The following CCDC171 variants were observed in gnomAD, a reference collection of about 807,000 sequenced individuals.
CCDC171 encodes coiled-coil domain-containing protein 171.
A neutral mutation model predicts 168.2 loss-of-function variants in CCDC171; 177 were observed. The observed-to-expected ratio is 1.05, with a 90% CI of 0.93 to 1.19. The LOEUF (loss-of-function observed/expected upper bound fraction) is 1.19. CCDC171 is among the 50% of genes most tolerant of loss of function. CCDC171 has a pLI of 0.00. For synonymous variants in CCDC171, 687 were observed against 540.8 expected, an observed-to-expected ratio of 1.27 and a Z score of -3.75; for missense variants, 1,991 against 1,539.0, an observed-to-expected ratio of 1.29 and a Z score of -4.91.
At chr9:16,102,318 C>T in the CCDC171 span, among the ~76,000 whole-genome samples, 1 of 152,180 alleles carries the variant, frequency 6.6e-6, no homozygotes, top group Non-Finnish European at 1.5e-5. Context: ...CACGCGCTTG[C>T]TCTCCTACAC....
intron 18 of CCDC171, 33 bp downstream of exon 18, chr9:15,745,664 A>G: frequency 8.2e-7 from 1 of 1,224,152 alleles, no homozygotes; most frequent in Non-Finnish European, 1.1e-6. Context: ...CTTGCAAAAT[A>G]CATTTAAGAA....
chr9:15,668,121 A>G lies in CCDC171; in HGVS notation c.1076+1798A>G, dbSNP rs550834108. On this transcript the variant is annotated intron_variant, in intron 9 of 25. Transcript: ENST00000380701. Reference sequence around the variant, plus strand: ...AGTAAAACTGTAAGAAGTCAGAATGAGCTCCCAATAATTAAAGCTTTCTAG... The same window carrying G: ...AGTAAAACTGTAAGAAGTCAGAATGGGCTCCCAATAATTAAAGCTTTCTAG... Among the ~76,000 whole-genome samples the G allele has an allele frequency of 1.2e-4, 18 of 152,362 alleles. No homozygotes were observed. In the South Asian group the frequency reaches 2.7e-3, roughly 23 times the overall value.
Position 15,578,861 on chromosome 9 carries a change from G to C in CCDC171, c.190G>C (p.Glu64Gln). 1 of 1,612,908 alleles carries C rather than the reference G, an allele frequency of 6.2e-7. No individual in the cohort carries two copies. Among genetic ancestry groups the C allele is most frequent in the East Asian group, 2.2e-5 (1 of 44,802 alleles). Residue 64 changes from glutamate (E) to glutamine (Q), a missense_variant, in exon 4 of 26, where the codon GAG (glutamate) becomes CAG (glutamine). Transcript: ENST00000380701. ...TKHNAELASY[E>Q]SQIAKLRSEV... The stretch of plus-strand genomic sequence containing the variant: ...AATCTGTTTTTAGCTGGCAAGCTAT[G>C]AGAGCCAGATTGCCAAGCTACGGTC...
intron 24 of CCDC171, among the ~76,000 whole-genome samples, chr9:15,913,006 T>C (rs1366189689): frequency 6.6e-6 from 1 of 152,170 alleles, no homozygotes; most frequent in Non-Finnish European, 1.5e-5. Context: ...TTTCTTTTTT[T>C]GTTGTGTCTC....
intron 18 of CCDC171, among the ~76,000 whole-genome samples, chr9:15,763,825 A>G (rs1303728682): frequency 6.6e-6 from 1 of 152,218 alleles, no homozygotes; most frequent in African/African-American, 2.4e-5. Flanking sequence ...ATTGATGGGC[A>G]TTAGAGTTGT....
At chr9:15,678,976 A>G in intron 10 of CCDC171, 80 bp downstream of exon 10, 1 of 1,036,644 alleles carries the variant, frequency 9.6e-7, no homozygotes, top group Non-Finnish European at 1.4e-6. Flanking sequence ...TCCTCACCAC[A>G]TTCCATGAGA....
chr9:15,553,425 G>C (rs1369524112), intron 1 of CCDC171, 123 bp downstream of exon 1: 1 of 152,208 alleles, frequency 6.6e-6, no homozygotes. Flanking sequence ...TTTGGGGCAC[G>C]CCTCCAGCTC....
chr9:15,845,050 C>T (rs971118772), intron 21 of CCDC171, among the ~76,000 whole-genome samples: 2 of 152,018 alleles, frequency 1.3e-5, no homozygotes, highest in Non-Finnish European at 2.9e-5. Context: ...GGTGTTGGAT[C>T]ATTAGTTTGA....
intron 7 of CCDC171, among the ~76,000 whole-genome samples, chr9:15,650,208 T>G (rs10738402): frequency 4.0e-5 from 6 of 151,728 alleles, no homozygotes; most frequent in African/African-American, 1.5e-4. Context: ...ATGAGAACAC[T>G]TGGACACAGG....
intron 3 of CCDC171, among the ~76,000 whole-genome samples, chr9:16,018,297 C>G (rs1474061444): frequency 6.6e-6 from 1 of 152,144 alleles, no homozygotes; most frequent in Non-Finnish European, 1.5e-5. Context: ...CTTAGCAAAA[C>G]TGGAGACCCG....
At chr9:15,934,903 A>G (rs1826940076) in intron 25 of CCDC171, among the ~76,000 whole-genome samples, 1 of 152,090 alleles carries the variant, frequency 6.6e-6, no homozygotes, top group African/African-American at 2.4e-5. Context: ...GAAGCCAGAC[A>G]CAAAAGGCCA....
chr9:16,107,912 C>T, the CCDC171 span, among the ~76,000 whole-genome samples: 1 of 151,996 alleles, frequency 6.6e-6, no homozygotes, highest in African/African-American at 2.4e-5. Context: ...ATATGCCATG[C>T]ATTTATACAT....
chr9:15,558,422 G>T lies in CCDC171; in HGVS notation c.-112+5120G>T, dbSNP rs189591578. Reference sequence around the variant, plus strand: ...GCCTCAATTTCAGAACCTGTTATTGGTCTTTTCAGGGATTCAACTTCTTCC... The same window carrying T: ...GCCTCAATTTCAGAACCTGTTATTGTTCTTTTCAGGGATTCAACTTCTTCC... On this transcript the variant is annotated intron_variant, in intron 1 of 25. Coordinates refer to ENST00000380701, the MANE Select transcript of CCDC171 (RefSeq NM_173550.4). Among the ~76,000 whole-genome samples, 24 of 152,202 alleles carry T rather than the reference G, an allele frequency of 1.6e-4. No individual in the cohort carries two copies. In the East Asian group the frequency reaches 4.4e-3, roughly 28 times the overall value.
intron 7 of CCDC171, among the ~76,000 whole-genome samples, chr9:15,648,966 C>G (rs921370178): frequency 6.6e-6 from 1 of 152,132 alleles, no homozygotes; most frequent in African/African-American, 2.4e-5. Context: ...AAGAACAAAG[C>G]TAGAGGCATC....
chr9:15,931,027 C>T (rs887512301), intron 25 of CCDC171, among the ~76,000 whole-genome samples: 1 of 151,594 alleles, frequency 6.6e-6, no homozygotes, highest in African/African-American at 2.4e-5. Flanking sequence ...TAACCATAGT[C>T]ACATCCATGC....
chr9:15,844,220 G>C (rs1258114410), intron 21 of CCDC171, among the ~76,000 whole-genome samples: 1 of 151,828 alleles, frequency 6.6e-6, no homozygotes, highest in South Asian at 2.1e-4. Context: ...TTTATCATGG[G>C]TTTTAATTAG....
chr9:15,649,647 A>T (rs1364163162), intron 7 of CCDC171, among the ~76,000 whole-genome samples: 1 of 152,214 alleles, frequency 6.6e-6, no homozygotes, highest in African/African-American at 2.4e-5. Flanking sequence ...CACATGAAAA[A>T]ATGCTCATCA....
intron 25 of CCDC171, among the ~76,000 whole-genome samples, chr9:15,963,433 A>C (rs555708796): frequency 6.6e-6 from 1 of 152,270 alleles, no homozygotes; most frequent in Non-Finnish European, 1.5e-5. Context: ...AACTCTTTTG[A>C]GTGTAGCCAT....
In CCDC171 at chr9:15,884,023, A is replaced by G. The variant is rs990350358; in HGVS notation, c.3600+9360A>G. Among the ~76,000 whole-genome samples the G allele has an allele frequency of 6.6e-5, 10 of 152,144 alleles. No homozygotes were observed. In the East Asian group the frequency reaches 1.3e-3, roughly 20 times the overall value. On this transcript the variant is annotated intron_variant, in intron 24 of 25. Transcript: ENST00000380701. ...AATTACACCAGTAGCAGGGATTCTC[A>G]TTATTTTATACAATTGTTTTCTTTT...
Sources: gnomAD v4.1 joint callset for allele counts (sites outside exome capture counted in the v4.1 genomes callset) on GRCh38, gnomAD v4.1.1 for gene constraint, MANE v1.5 for transcripts, NCBI Gene and HGNC (gene_info 2026-07-23, HGNC 2026-07-21) for gene names.